IQCM: variants seen among roughly 807,000 people sequenced by gnomAD.
IQCM encodes the protein IQ domain-containing protein M.
IQCM carries 45 observed loss-of-function variants against 57.6 expected under a neutral mutation model. That is an observed-to-expected ratio of 0.78 (90% CI 0.62 to 1.00). The LOEUF (loss-of-function observed/expected upper bound fraction) is 1.00, where lower values mean the gene tolerates loss of function less well. IQCM is among the 50% of genes least tolerant of loss of function. The pLI, the probability that IQCM is intolerant of heterozygous loss-of-function variation, is 0.00. For synonymous variants in IQCM, 148 were observed against 158.9 expected (o/e 0.93, Z 0.51); for missense variants, 468 against 511.6 (o/e 0.91, Z 0.82).
At chr4:149,505,253 G>T (rs991613432) in intron 12 of IQCM, among the ~76,000 whole-genome samples, 2 of 152,096 alleles carry the variant, frequency 1.3e-5, no homozygotes, top group Non-Finnish European at 2.9e-5. Context: ...AACAGAAATT[G>T]CTCAGTTATA....
intron 13 of IQCM, among the ~76,000 whole-genome samples, chr4:149,398,504 T>C (rs1248000404): frequency 6.6e-6 from 1 of 152,076 alleles, no homozygotes; most frequent in Admixed American, 6.6e-5. Flanking sequence ...ACACAGGATG[T>C]GTTTCTACTT....
intron 5 of IQCM, among the ~76,000 whole-genome samples, chr4:149,693,227 T>C (rs2149799338): frequency 6.6e-6 from 1 of 152,334 alleles, no homozygotes; most frequent in South Asian, 2.1e-4. Flanking sequence ...AGCTATTGTG[T>C]GTTCCCCAAA....
chr4:149,437,268 G>A (rs1735453351), intron 12 of IQCM, among the ~76,000 whole-genome samples: 1 of 152,038 alleles, frequency 6.6e-6, no homozygotes, highest in Admixed American at 6.6e-5. Flanking sequence ...AGCTGTACCT[G>A]TAAAGTGTAC....
chr4:149,510,798 T>C (rs1356281581), intron 12 of IQCM, among the ~76,000 whole-genome samples: 1 of 152,142 alleles, frequency 6.6e-6, no homozygotes, highest in Non-Finnish European at 1.5e-5. Context: ...GTAGATATAG[T>C]GTCATAGAGT....
chr4:149,627,103 G>A (rs557371359), intron 7 of IQCM, among the ~76,000 whole-genome samples: 1 of 152,268 alleles, frequency 6.6e-6, no homozygotes, highest in South Asian at 2.1e-4. Context: ...ATTTGATACA[G>A]CCCTATGGAA....
intron 9 of IQCM, among the ~76,000 whole-genome samples, chr4:149,571,973 G>A (rs1751204032): frequency 6.6e-6 from 1 of 151,982 alleles, no homozygotes; most frequent in African/African-American, 2.4e-5. Context: ...ACAAACACAG[G>A]TAATTCTGTC....
At chr4:149,548,147 G>C (rs1310231948) in intron 12 of IQCM, among the ~76,000 whole-genome samples, 1 of 152,000 alleles carries the variant, frequency 6.6e-6, no homozygotes, top group Non-Finnish European at 1.5e-5. Context: ...AATATACTCA[G>C]CTTGATGTAA....
intron 12 of IQCM, among the ~76,000 whole-genome samples, chr4:149,490,971 T>C (rs1422479708): frequency 6.6e-6 from 1 of 152,096 alleles, no homozygotes; most frequent in East Asian, 1.9e-4. Context: ...GATGTATCAT[T>C]TCCTATGGGA....
At chr4:149,608,591 A>T (rs1754999669) in intron 8 of IQCM, among the ~76,000 whole-genome samples, 1 of 151,968 alleles carries the variant, frequency 6.6e-6, no homozygotes, top group African/African-American at 2.4e-5. Flanking sequence ...GGAATAAAAT[A>T]GAAATCAATA....
At chr4:149,782,693 AC>A (rs1194085253) in intron 2 of IQCM, among the ~76,000 whole-genome samples, 7 of 152,114 alleles carry the variant, frequency 4.6e-5, no homozygotes, top group East Asian at 3.9e-4. Flanking sequence ...AAAAAAAAAA[AC>A]ACCACTATCA....
At chr4:149,563,199 A>C (rs1238645752) in intron 10 of IQCM, among the ~76,000 whole-genome samples, 2 of 152,216 alleles carry the variant, frequency 1.3e-5, no homozygotes, top group Admixed American at 1.3e-4. Flanking sequence ...AAGAGTACCC[A>C]GGAGTGTGGG....
chr4:149,671,268 G>A (rs529742467), intron 7 of IQCM, among the ~76,000 whole-genome samples: 40 of 152,204 alleles, frequency 2.6e-4, no homozygotes, highest in South Asian at 6.2e-4. Flanking sequence ...GGTTATTTGC[G>A]TAGAGATGTT....
At chr4:149,642,103 T>C (rs1210444235) in intron 7 of IQCM, among the ~76,000 whole-genome samples, 1 of 152,158 alleles carries the variant, frequency 6.6e-6, no homozygotes, top group Non-Finnish European at 1.5e-5. Flanking sequence ...AGTTGCTTTA[T>C]AGGGCTGATA....
At chr4:149,489,307 G>C (rs893533260) in intron 12 of IQCM, among the ~76,000 whole-genome samples, 12 of 152,200 alleles carry the variant, frequency 7.9e-5, no homozygotes, top group African/African-American at 2.6e-4. Flanking sequence ...TTTGTTGGAA[G>C]ACAGAATGCT....
chr4:149,571,266 A>G (rs1276369595), intron 9 of IQCM, among the ~76,000 whole-genome samples: 1 of 152,118 alleles, frequency 6.6e-6, no homozygotes, highest in Non-Finnish European at 1.5e-5. Flanking sequence ...ATATGAATGA[A>G]AAAAGAAGAT....
At chr4:149,681,629 G>A (rs1762184821) in intron 7 of IQCM, among the ~76,000 whole-genome samples, 1 of 151,096 alleles carries the variant, frequency 6.6e-6, no homozygotes, top group Non-Finnish European at 1.5e-5. Context: ...TACAAGAAGA[G>A]TTTTACCTTA....
intron 13 of IQCM, among the ~76,000 whole-genome samples, chr4:149,377,677 C>T (rs17488645): frequency 0.073 from 11,150 of 152,122 alleles, 549 homozygotes; most frequent in Middle Eastern, 0.15. Context: ...ACTACATATC[C>T]GGAAAATGTG....
chr4:149,726,142 A>AGAAAGAGAG (rs10666255), intron 5 of IQCM, among the ~76,000 whole-genome samples: 1 of 131,054 alleles, frequency 7.6e-6, no homozygotes, highest in Admixed American at 7.4e-5. Context: ...AAAGAAAGAA[A>AGAAAGAGAG]AGAAAGAAAG....
At chr4:149,570,692 A>G (rs1258221077) in intron 9 of IQCM, among the ~76,000 whole-genome samples, 9 of 152,086 alleles carry the variant, frequency 5.9e-5, no homozygotes, top group Admixed American at 5.9e-4. Flanking sequence ...ATATGTTAGT[A>G]TCATATGATT....
Sources: allele counts gnomAD v4.1 joint callset (sites outside exome capture counted in the v4.1 genomes callset), GRCh38; gene constraint gnomAD v4.1.1; transcripts MANE v1.5; gene names NCBI Gene and HGNC (gene_info 2026-07-23, HGNC 2026-07-21).